Variants in FBXO47 observed in about 807,000 individuals in gnomAD.
FBXO47 encodes the protein F-box only protein 47.
FBXO47 carries 34 observed loss-of-function variants against 53.9 expected under a neutral mutation model. The ratio of observed to expected loss-of-function variants is 0.63; its 90% confidence interval spans 0.48 to 0.84. The LOEUF (loss-of-function observed/expected upper bound fraction) is 0.84, where lower values mean the gene tolerates loss of function less well. Among genes scored for constraint, FBXO47 ranks in the 40% least tolerant of loss-of-function variants. The probability of loss-of-function intolerance (pLI) is 0.00; values close to 1 mark genes in which losing one functional copy is unlikely to be tolerated. For missense variants in FBXO47, 485 were observed against 541.3 expected (o/e 0.90, Z 1.03); for synonymous variants, 165 against 181.6 (o/e 0.91, Z 0.73).
chr17:38,937,510 C>T (rs1460151402), intron 10 of FBXO47, among the ~76,000 whole-genome samples: 1 of 151,740 alleles, frequency 6.6e-6, no homozygotes, highest in Non-Finnish European at 1.5e-5. Flanking sequence ...GCATGTACCA[C>T]CACACCTGGC....
intron 9 of FBXO47, 47 bp from the exon 10 acceptor site, chr17:38,938,779 T>A: frequency 7.0e-7 from 1 of 1,435,522 alleles, no homozygotes. Flanking sequence ...TGAAGAAAGC[T>A]ATAGAATTTG....
chr17:38,960,637 T>C (rs1905776294), intron 3 of FBXO47, among the ~76,000 whole-genome samples: 1 of 150,622 alleles, frequency 6.6e-6, no homozygotes. Context: ...TCTCTTTTTT[T>C]TTTTTTTTTT....
chr17:38,952,143 G>A (rs543912749), intron 5 of FBXO47, among the ~76,000 whole-genome samples: 43 of 152,072 alleles, frequency 2.8e-4, no homozygotes, highest in Non-Finnish European at 4.9e-4. Flanking sequence ...TGGCTAACAC[G>A]GTGAAACCCC....
chr17:38,945,592 A>C (rs1221679389), intron 6 of FBXO47, among the ~76,000 whole-genome samples: 1 of 151,956 alleles, frequency 6.6e-6, no homozygotes, highest in Non-Finnish European at 1.5e-5. Context: ...TGAGGTCAGG[A>C]GTTCAAGACC....
intron 6 of FBXO47, among the ~76,000 whole-genome samples, chr17:38,946,294 AAAAATATATATAAATATAT>A (rs1445661409): frequency 2.3e-5 from 2 of 87,272 alleles, no homozygotes; most frequent in Non-Finnish European, 3.9e-5. Flanking sequence ...ATAAATATAT[AAAAATATATATAAATATAT>A]AAATATATAT....
chr17:38,966,552 T>C (rs1469948747), intron 1 of FBXO47, among the ~76,000 whole-genome samples: 1 of 152,220 alleles, frequency 6.6e-6, no homozygotes, highest in Non-Finnish European at 1.5e-5. Context: ...AAATCCGGCC[T>C]TGGCTTCTTC....
At chr17:38,941,001 T>C (rs1209806811) in intron 9 of FBXO47, among the ~76,000 whole-genome samples, 1 of 151,726 alleles carries the variant, frequency 6.6e-6, no homozygotes, top group African/African-American at 2.4e-5. Context: ...AATTTATTTT[T>C]TGAGATGAGA....
intron 6 of FBXO47, among the ~76,000 whole-genome samples, chr17:38,945,564 C>T (rs574028774): frequency 2.0e-4 from 30 of 151,986 alleles, no homozygotes; most frequent in South Asian, 4.2e-4. Flanking sequence ...GTTGTGAAGC[C>T]GAGGTGGGAG....
intron 6 of FBXO47, among the ~76,000 whole-genome samples, chr17:38,946,351 A>T (rs946179213): frequency 4.1e-4 from 19 of 46,260 alleles, no homozygotes; most frequent in South Asian, 1.8e-3. Flanking sequence ...TAAATATATA[A>T]ATATATATAA....
chr17:38,958,356 T>TC (rs369169175), intron 3 of FBXO47, among the ~76,000 whole-genome samples: 136 of 151,952 alleles, frequency 9.0e-4, no homozygotes, highest in African/African-American at 3.1e-3. Context: ...ATTTTTTTTT[T>TC]CCCCACAGAA....
At chr17:38,945,275 A>C in intron 6 of FBXO47, 139 bp from the exon 7 acceptor site, 1 of 609,978 alleles carries the variant, frequency 1.6e-6, no homozygotes, top group South Asian at 2.1e-5. Context: ...CCAAGAGATT[A>C]TCTATTCTTA....
chr17:38,953,622 C>T (rs542893225), intron 5 of FBXO47, among the ~76,000 whole-genome samples: 2 of 151,948 alleles, frequency 1.3e-5, no homozygotes, highest in East Asian at 1.9e-4. Flanking sequence ...GAGACTCTGC[C>T]TCAAAAATAA....
At chr17:38,941,609 TAA>T in intron 9 of FBXO47, among the ~76,000 whole-genome samples, 1 of 95,908 alleles carries the variant, frequency 1.0e-5, no homozygotes, top group South Asian at 4.3e-4. Context: ...GAATATTAAA[TAA>T]ATATAATATT....
chr17:38,947,083 C>CATATATATAAACATATATATAAACAT (rs1205198836), intron 6 of FBXO47, among the ~76,000 whole-genome samples: 1 of 106,380 alleles, frequency 9.4e-6, no homozygotes, highest in African/African-American at 3.8e-5. Context: ...CATATATAAA[C>CATATATATAAACATATATATAAACAT]ATATATATAA....
intron 6 of FBXO47, among the ~76,000 whole-genome samples, chr17:38,951,203 TTTTA>T (rs1474159748): frequency 6.6e-6 from 1 of 151,500 alleles, no homozygotes; most frequent in African/African-American, 2.4e-5. Flanking sequence ...CTATTTATTT[TTTTA>T]TTTATCGAGA....
chr17:38,948,259 C>T (rs868472287), intron 6 of FBXO47, among the ~76,000 whole-genome samples: 20 of 134,976 alleles, frequency 1.5e-4, no homozygotes, highest in African/African-American at 4.6e-4. Context: ...GTCACCCAGG[C>T]GGGAGTGCAG....
intron 9 of FBXO47, among the ~76,000 whole-genome samples, chr17:38,941,621 TA>T (rs1567714181): frequency 2.0e-3 from 12 of 5,990 alleles, no homozygotes; most frequent in Admixed American, 6.0e-3. Flanking sequence ...AATATAATAT[TA>T]TATATATATA....
chr17:38,956,575 C>T (rs1329872295), intron 4 of FBXO47, among the ~76,000 whole-genome samples: 5 of 141,462 alleles, frequency 3.5e-5, no homozygotes, highest in East Asian at 4.1e-4. Flanking sequence ...GTGACAAGAG[C>T]GAGACTCTGT....
intron 6 of FBXO47, among the ~76,000 whole-genome samples, chr17:38,946,843 A>G (rs1349429451): frequency 9.7e-6 from 1 of 103,020 alleles, no homozygotes; most frequent in Admixed American, 1.3e-4. Flanking sequence ...AATATATATA[A>G]ACATATAAAA....
Sources: gnomAD v4.1 joint callset for allele counts (sites outside exome capture counted in the v4.1 genomes callset) on GRCh38, gnomAD v4.1.1 for gene constraint, MANE v1.5 for transcripts, NCBI Gene and HGNC (gene_info 2026-07-23, HGNC 2026-07-21) for gene names.